MAP4K1: variants seen among roughly 807,000 people sequenced by gnomAD.
MAP4K1 encodes the protein mitogen-activated protein kinase kinase kinase kinase 1, also known as MAPK/ERK kinase kinase kinase 1.
MAP4K1 carries 35 observed loss-of-function variants against 122.8 expected under a neutral mutation model. The observed-to-expected ratio is 0.29, with a 90% CI of 0.22 to 0.38. MAP4K1 has a LOEUF of 0.38. Among genes scored for constraint, MAP4K1 ranks in the 10% least tolerant of loss-of-function variants. The probability of loss-of-function intolerance (pLI) is 1.00; values close to 1 mark genes in which losing one functional copy is unlikely to be tolerated. For synonymous variants in MAP4K1, 412 were observed against 421.3 expected, an observed-to-expected ratio of 0.98 and a Z score of 0.27; for missense variants, 791 against 1,072.6, an observed-to-expected ratio of 0.74 and a Z score of 3.67.
At position 38,608,799 on chromosome 19, in the gene MAP4K1, CAAAAAAAAAAAAA is replaced by C. The variant is rs1031744033; in HGVS notation, c.1007-642_1007-630del. ...TGGGCGACAGAGTGAAACTCCGTCT[CAAAAAAAAAAAAA>C]AAAAAAAAAAAAAAAAACATTAGCC... On this transcript the variant is annotated intron_variant, in intron 13 of 30. Coordinates refer to ENST00000396857, the MANE Select transcript of MAP4K1 (RefSeq NM_001042600.3). Among the ~76,000 whole-genome samples the C allele has an allele frequency of 2.0e-3, 19 of 9,558 alleles. 1 individual carries two copies. The highest frequency in any genetic ancestry group is 0.014 in the South Asian group (4 of 282). The allele number at this position is 9,558 out of a possible 152,430, so 6.3% of individuals were successfully genotyped here. A position where few individuals can be genotyped will look rare whatever the true frequency, so the allele number is the denominator to read the frequency against.
At chr19:38,611,740 G>A (rs952565890) in intron 9 of MAP4K1, among the ~76,000 whole-genome samples, 11 of 151,838 alleles carry the variant, frequency 7.2e-5, no homozygotes, top group African/African-American at 2.4e-4. Flanking sequence ...CGATCGTGCC[G>A]CTGCACTCCA....
At chr19:38,589,891 G>T (rs1262330128) in intron 30 of MAP4K1, among the ~76,000 whole-genome samples, 1 of 152,104 alleles carries the variant, frequency 6.6e-6, no homozygotes, top group East Asian at 1.9e-4. Flanking sequence ...TAAGCCAGGT[G>T]TAGTGGTACG....
rs979205341 is a variant in MAP4K1 at position 38,617,727 on chromosome 19, T to C, written c.99+70A>G. ...AGAACTGGGACCCCCTCTTGCAGCC[T>C]CCTCCCTGCCGAGGGCTTGCCTTAA... On this transcript the variant is annotated intron_variant, in intron 1 of 30. Coordinates refer to ENST00000396857, the MANE Select transcript of MAP4K1 (RefSeq NM_001042600.3). The surrounding 1 kb of genome is among the most constrained non-coding windows in gnomAD (Gnocchi z 4.1). The C allele has an allele frequency of 4.4e-6, 7 of 1,602,518 alleles. No individual in the cohort carries two copies. In the African/African-American group the frequency reaches 9.4e-5, roughly 21 times the overall value.
chr19:38,617,100 G>T lies in MAP4K1; in HGVS notation c.248+254C>A, dbSNP rs1975668255. ...ATCTCTACTAAAAATACAAAAATTT[G>T]CCGGGCAGGGTGGTGAGCGCCTGTA... On this transcript the variant is annotated intron_variant, in intron 3 of 30. Coordinates refer to ENST00000396857, the MANE Select transcript of MAP4K1 (RefSeq NM_001042600.3). The surrounding 1 kb of genome is among the most constrained non-coding windows in gnomAD (Gnocchi z 4.1). Among the ~76,000 whole-genome samples the T allele has an allele frequency of 6.6e-6, 1 of 152,008 alleles. No individual in the cohort carries two copies. The highest frequency in any genetic ancestry group is 6.6e-5 in the Admixed American group (1 of 15,234).
chr19:38,601,378 C>A (rs1348827148), intron 20 of MAP4K1, 63 bp downstream of exon 20: 1 of 1,456,812 alleles, frequency 6.9e-7, no homozygotes, highest in South Asian at 1.2e-5. Context: ...TTAGGCTTCT[C>A]CCCACCCCTA....
intron 22 of MAP4K1, 105 bp downstream of exon 22, chr19:38,599,820 A>T: frequency 9.5e-7 from 1 of 1,050,362 alleles, no homozygotes; most frequent in Non-Finnish European, 1.5e-6. Flanking sequence ...CTTTGTGACC[A>T]AGCAGTCTAA....
rs548887559 is a variant in MAP4K1 at position 38,595,824 on chromosome 19, C to A, written c.2180-95G>T. 1.1e-4 allele frequency: 159 copies of A among 1,493,240 alleles called. No homozygotes were observed. The African/African-American group carries it at 1.7e-3, about 16-fold the overall frequency. 92.5% of individuals were successfully genotyped at this position (1,493,240 alleles called of 1,614,324 possible). ...AATTCAGTGTGAAAGCTATGTAGGA[C>A]AGGGGCAAGGCCCAGAGGGGCTCAG... On this transcript the variant is annotated intron_variant, in intron 27 of 30. Coordinates refer to ENST00000396857, the MANE Select transcript of MAP4K1 (RefSeq NM_001042600.3).
chr19:38,596,009 G>C lies in MAP4K1; in HGVS notation c.2117-8C>G, dbSNP rs1172240981. 9.9e-6 allele frequency: 16 copies of C among 1,613,518 alleles called. No homozygotes were observed. The highest frequency in any genetic ancestry group is 1.3e-5 in the Non-Finnish European group (15 of 1,179,814). On this transcript the variant is annotated splice_region_variant and splice_polypyrimidine_tract_variant and intron_variant, in intron 26 of 30. Coordinates refer to ENST00000396857, the MANE Select transcript of MAP4K1 (RefSeq NM_001042600.3). Reference sequence around the variant, plus strand: ...GCACGGGTCCCCTGTGCTCTGTTTGGGGGGAGTGGGTTAAGGATTGACCCC... The same window carrying C: ...GCACGGGTCCCCTGTGCTCTGTTTGCGGGGAGTGGGTTAAGGATTGACCCC...
chr19:38,603,254 A>G (rs1314927278), intron 19 of MAP4K1, among the ~76,000 whole-genome samples: 1 of 150,316 alleles, frequency 6.7e-6, no homozygotes, highest in Non-Finnish European at 1.5e-5. Context: ...ACATGTACAT[A>G]TATACGCATA....
chr19:38,593,525 A>G (rs1026173274), intron 29 of MAP4K1, among the ~76,000 whole-genome samples, 188 bp from the exon 30 acceptor site: 2 of 152,210 alleles, frequency 1.3e-5, no homozygotes, highest in African/African-American at 4.8e-5. Context: ...CAACATGGCA[A>G]AACCTCGTCT....
At chr19:38,591,581 C>T (rs1974728872) in intron 30 of MAP4K1, among the ~76,000 whole-genome samples, 1 of 149,862 alleles carries the variant, frequency 6.7e-6, no homozygotes, top group African/African-American at 2.5e-5. Flanking sequence ...ATTTTTGCAA[C>T]TTCTCTGGGA....
In MAP4K1 at chr19:38,617,250, G is replaced by C; in HGVS notation, c.248+104C>G. 1.2e-6 allele frequency: 1 copy of C among 813,074 alleles called. No individual in the cohort carries two copies. 50.4% of individuals were successfully genotyped at this position (813,074 alleles called of 1,614,324 possible). A position where few individuals can be genotyped will look rare whatever the true frequency, so the allele number is the denominator to read the frequency against. On this transcript the variant is annotated intron_variant, in intron 3 of 30. Transcript: ENST00000396857. The surrounding 1 kb of genome is among the most constrained non-coding windows in gnomAD (Gnocchi z 4.1). Reference sequence around the variant, plus strand: ...CAGAACAAGACTCCATCTCAAAAAAGAAAAAGAAAAGAAAAAAAAAGAACT... The same window carrying C: ...CAGAACAAGACTCCATCTCAAAAAACAAAAAGAAAAGAAAAAAAAAGAACT...
At position 38,617,702 on chromosome 19, in the gene MAP4K1, A is replaced by G. The variant is rs1424483915; in HGVS notation, c.100-77T>C. 8 of 1,605,236 alleles carry G rather than the reference A, an allele frequency of 5.0e-6. No individual in the cohort carries two copies. The highest frequency in any genetic ancestry group is 4.0e-5 in the African/African-American group (3 of 74,716). ...CCACAGCATCCCTGAGTCAAGGTCA[A>G]GAACTGGGACCCCCTCTTGCAGCCT... On this transcript the variant is annotated intron_variant, in intron 1 of 30. Coordinates refer to ENST00000396857, the MANE Select transcript of MAP4K1 (RefSeq NM_001042600.3). This position sits in a 1 kb window ranked among gnomAD's most constrained non-coding sequence, Gnocchi z 4.1.
chr19:38,596,021 T>G lies in MAP4K1; in HGVS notation c.2117-20A>C, dbSNP rs1277833693. ...TGTGCTCTGTTTGGGGGGAGTGGGTTAAGGATTGACCCCACCCCATTCCCC... is the reference window on the plus strand; with the variant it reads ...TGTGCTCTGTTTGGGGGGAGTGGGTGAAGGATTGACCCCACCCCATTCCCC... On this transcript the variant is annotated intron_variant, in intron 26 of 30. Transcript: ENST00000396857. The G allele has an allele frequency of 6.2e-7, 1 of 1,610,608 alleles. No individual in the cohort carries two copies. Among genetic ancestry groups the G allele is most frequent in the South Asian group, 1.1e-5 (1 of 91,016 alleles).
Position 38,597,454 on chromosome 19 carries a change from G to C in MAP4K1, c.1778+32C>G, listed in dbSNP as rs201101004. ...AGAGGGGCATGGGAGGAATTATAAG[G>C]CTGTGTGGTGCCATTCATTGGGAGC... On this transcript the variant is annotated intron_variant, in intron 23 of 30. Transcript: ENST00000396857. The surrounding 1 kb of genome is among the most constrained non-coding windows in gnomAD (Gnocchi z 4.6). The C allele has an allele frequency of 6.2e-7, 1 of 1,612,818 alleles. No homozygotes were observed. The highest frequency in any genetic ancestry group is 8.5e-7 in the Non-Finnish European group (1 of 1,178,834).
chr19:38,607,229 G>A (rs1975354700), intron 16 of MAP4K1, among the ~76,000 whole-genome samples: 1 of 151,920 alleles, frequency 6.6e-6, no homozygotes, highest in Non-Finnish European at 1.5e-5. Context: ...AGCAGGTGGG[G>A]GGCTGACGCT....
rs773460106 is a variant in MAP4K1 at position 38,600,013 on chromosome 19, G to T, written c.1609-28C>A. 1.9e-6 allele frequency: 3 copies of T among 1,614,114 alleles called. No homozygotes were observed. In the South Asian group the frequency reaches 3.3e-5, roughly 18 times the overall value. ...GCAGGGAATGGGAGAGATGGCTCTG[G>T]TGACACCCCAGCAACCCCCGACTCC... On this transcript the variant is annotated intron_variant, in intron 21 of 30. Coordinates refer to ENST00000396857, the MANE Select transcript of MAP4K1 (RefSeq NM_001042600.3).
intron 20 of MAP4K1, among the ~76,000 whole-genome samples, 163 bp from the exon 21 acceptor site, chr19:38,600,316 G>GC (rs1474890334): frequency 6.6e-6 from 1 of 152,212 alleles, no homozygotes; most frequent in Non-Finnish European, 1.5e-5. Flanking sequence ...CAAAGCCAGA[G>GC]CGGACGGTCC....
At chr19:38,601,609 C>T (rs1465355321) in intron 19 of MAP4K1, 84 bp from the exon 20 acceptor site, 12 of 989,296 alleles carry the variant, frequency 1.2e-5, no homozygotes, top group East Asian at 8.1e-5. Context: ...GACTTTGGAG[C>T]GAGAGTGCCA....
Sources: allele counts gnomAD v4.1 joint callset (sites outside exome capture counted in the v4.1 genomes callset), GRCh38; gene constraint gnomAD v4.1.1; non-coding constraint Gnocchi (gnomAD v3.1); transcripts MANE v1.5; gene names NCBI Gene and HGNC (gene_info 2026-07-23, HGNC 2026-07-21).